The following RTEL1 variants were observed in gnomAD, a reference collection of about 807,000 sequenced individuals.
The protein encoded by RTEL1 is regulator of telomere length.
RTEL1 carries 86 observed loss-of-function variants against 162.2 expected under a neutral mutation model. The ratio of observed to expected loss-of-function variants is 0.53; its 90% CI spans 0.45 to 0.63. The LOEUF is 0.63. Ranked by LOEUF, RTEL1 falls within the 30% of genes least tolerant of loss-of-function variation. The pLI, the probability that RTEL1 is intolerant of heterozygous loss-of-function variation, is 0.00. For synonymous variants in RTEL1, 958 were observed against 717.9 expected, an observed-to-expected ratio of 1.33 and a Z score of -5.35; for missense variants, 1,941 against 1,750.2, an observed-to-expected ratio of 1.11 and a Z score of -1.95.
At chr20:63,695,710 G>A (rs918135042) in intron 34 of RTEL1, 60 bp downstream of exon 34, 4 of 1,605,560 alleles carry the variant, frequency 2.5e-6, no homozygotes, top group East Asian at 2.2e-5. Flanking sequence ...GGCTGAGGGG[G>A]AAAGGGCAGG....
At chr20:63,689,019 G>C (rs777426860) in intron 21 of RTEL1, 36 bp from the exon 22 acceptor site, 10 of 1,574,936 alleles carry the variant, frequency 6.3e-6, no homozygotes, top group East Asian at 4.5e-5. Context: ...GGCTGGGGGG[G>C]GGCTCCAGGC....
rs750353477 is a variant in RTEL1 at position 63,692,970 on chromosome 20, G to A, written c.2818G>A (p.Ala940Thr). The A allele has an allele frequency of 1.6e-5, 25 of 1,612,640 alleles. No individual in the cohort carries two copies. Among genetic ancestry groups the A allele is most frequent in the East Asian group, 2.2e-5 (1 of 44,890 alleles). ...ALAACLGPLF[A>T]EDPKKHNLLQ... Reference sequence around the variant, plus strand: ...GGCCGCCTGTCTCGGCCCCCTCTTTGCTGAGGACCCCAAGAAGCACAACCT... The same window carrying A: ...GGCCGCCTGTCTCGGCCCCCTCTTTACTGAGGACCCCAAGAAGCACAACCT... Residue 940 changes from alanine to threonine, a missense_variant, in exon 29 of 35, where the codon GCT (alanine) becomes ACT (threonine). By Grantham distance (58) the Ala-to-Thr change is moderately conservative. Coordinates refer to ENST00000360203, the MANE Select transcript of RTEL1 (RefSeq NM_001283009.2).
chr20:63,689,039 C>T lies in RTEL1; in HGVS notation c.1801-16C>T. 2 of 1,608,926 alleles carry T rather than the reference C, an allele frequency of 1.2e-6. No homozygotes were observed. The highest frequency in any genetic ancestry group is 1.7e-6 in the Non-Finnish European group (2 of 1,178,682). Reference sequence around the variant, plus strand: ...GGGGGGGGCTCCAGGCTCAGCCTCACCAACTTTCCTTCCAGACCATCAGTG... The same window carrying T: ...GGGGGGGGCTCCAGGCTCAGCCTCATCAACTTTCCTTCCAGACCATCAGTG... On this transcript the variant is annotated splice_polypyrimidine_tract_variant and intron_variant, in intron 21 of 34. Coordinates refer to ENST00000360203, the MANE Select transcript of RTEL1 (RefSeq NM_001283009.2).
Position 63,688,315 on chromosome 20 carries a change from G to A in RTEL1, c.1651G>A (p.Val551Met). Residue 551 changes from valine to methionine, a missense_variant, in exon 20 of 35, where the codon GTG becomes ATG. By Grantham distance (21) the Val-to-Met change is conservative (BLOSUM62 1). Transcript: ENST00000360203. ...TGCACTTCCAGGCAACATCGCCCGC[G>A]TGGTGCCCTATGGGCTCCTGATCTT... ...LGKALGNIAR[V>M]VPYGLLIFFP... The A allele has an allele frequency of 6.2e-7, 1 of 1,612,466 alleles. No individual in the cohort carries two copies. The highest frequency in any genetic ancestry group is 8.5e-7 in the Non-Finnish European group (1 of 1,179,952).
intron 4 of RTEL1, 95 bp downstream of exon 4, chr20:63,662,038 G>T (rs901153065): frequency 1.2e-5 from 12 of 1,006,044 alleles, no homozygotes; most frequent in Non-Finnish European, 1.9e-5. Flanking sequence ...CTGTGGTGGA[G>T]GGTGGTGGTC....
Position 63,687,674 on chromosome 20 carries a change from A to G in RTEL1, c.1385A>G (p.His462Arg), listed in dbSNP as rs1389243000. The G allele has an allele frequency of 6.2e-7, 1 of 1,609,570 alleles. No homozygotes were observed. The highest frequency in any genetic ancestry group is 1.1e-5 in the South Asian group (1 of 90,680). ...AGCTACTGGTGCTTCAGTCCCGGCC[A>G]CAGCATGCACGAGCTGGTCCGCCAG... ...VLSYWCFSPG[H>R]SMHELVRQGV... Residue 462 changes from histidine (H) to arginine (R), a missense_variant, in exon 17 of 35, where the codon CAC becomes CGC. Transcript: ENST00000360203.
At chr20:63,693,524 C>T in intron 30 of RTEL1, among the ~76,000 whole-genome samples, 1 of 132,504 alleles carries the variant, frequency 7.5e-6, no homozygotes, top group Non-Finnish European at 1.6e-5. Context: ...CCACCACCAC[C>T]ACCTCCACCA....
intron 30 of RTEL1, 34 bp downstream of exon 30, chr20:63,693,317 C>G (rs546262939): frequency 3.1e-6 from 5 of 1,609,338 alleles, no homozygotes; most frequent in Middle Eastern, 1.7e-4. Flanking sequence ...CCTCAGACTC[C>G]TGCGTGGAAG....
rs200858796 is a variant in RTEL1 at position 63,695,011 on chromosome 20, G to A, written c.3343+37G>A. The A allele has an allele frequency of 3.7e-6, 6 of 1,610,066 alleles. No homozygotes were observed. The East Asian group carries it at 6.7e-5, about 18-fold the overall frequency. On this transcript the variant is annotated intron_variant, in intron 32 of 34. Transcript: ENST00000360203. ...TGGCGTGGGGAACAGCCGGTGGGGT[G>A]GGGGGCAGGGGACAAAATGGGGGCT...
Position 63,688,343 on chromosome 20 carries a change from T to C in RTEL1, c.1679T>C (p.Phe560Ser). 6.2e-7 allele frequency: 1 copy of C among 1,612,570 alleles called. No individual in the cohort carries two copies. Among genetic ancestry groups the C allele is most frequent in the Non-Finnish European group, 8.5e-7 (1 of 1,179,950 alleles). Residue 560 changes from phenylalanine (F) to serine (S), a missense_variant, in exon 20 of 35, where the codon TTC becomes TCC. Phe to Ser is a radical substitution (Grantham distance 155, BLOSUM62 -2). Transcript: ENST00000360203. ...RVVPYGLLIF[F>S]PSYPVMEKSL... ...GTGCCCTATGGGCTCCTGATCTTCT[T>C]CCCTTCCTATCCTGTCATGGAGAAG... is the stretch of plus-strand genomic sequence containing the variant.
At chr20:63,680,507 C>A (rs897570894) in intron 13 of RTEL1, among the ~76,000 whole-genome samples, 157 bp from the exon 14 acceptor site, 1 of 152,242 alleles carries the variant, frequency 6.6e-6, no homozygotes, top group African/African-American at 2.4e-5. Flanking sequence ...GCGAACTGCC[C>A]GCCCTGAATG....
rs771296244 is a variant in RTEL1, at chr20:63,695,779, C to T, written c.3824C>T (p.Ala1275Val). 12 of 1,591,532 alleles carry T rather than the reference C, an allele frequency of 7.5e-6. No homozygotes were observed. Among genetic ancestry groups the T allele is most frequent in the Admixed American group, 5.3e-5 (3 of 56,192 alleles). Residue 1275 changes from alanine to valine, a missense_variant and splice_region_variant, in exon 35 of 35, where the codon GCC (alanine) becomes GTC (valine). By Grantham distance (64) the Ala-to-Val change is moderately conservative. Coordinates refer to ENST00000360203, the MANE Select transcript of RTEL1 (RefSeq NM_001283009.2). The stretch of plus-strand genomic sequence containing the variant: ...TGCAGTGGGCCGGTTGTCTCACAGG[C>T]CTCTAGGATGTGCCCAGCCTGCCAC... ...CQACWQRHLQ[A>V]SRMCPACHTA...
chr20:63,689,017 G>T (rs771523695), intron 21 of RTEL1, 38 bp from the exon 22 acceptor site: 160 of 1,569,572 alleles, frequency 1.0e-4, no homozygotes, highest in Non-Finnish European at 1.2e-4. Flanking sequence ...GGGGCTGGGG[G>T]GGGGCTCCAG....
rs528195171 is a variant in RTEL1, at chr20:63,688,879, C to G, written c.1801-176C>G. The G allele has an allele frequency of 3.9e-4, 278 of 705,592 alleles. 2 individuals carry two copies. The highest frequency in any genetic ancestry group is 2.3e-3 in the Middle Eastern group (6 of 2,600). The allele number at this position is 705,592 out of a possible 1,614,324, so 43.7% of individuals were successfully genotyped here. A position where few individuals can be genotyped will look rare whatever the true frequency, so the allele number is the denominator to read the frequency against. On this transcript the variant is annotated intron_variant, in intron 21 of 34. Coordinates refer to ENST00000360203, the MANE Select transcript of RTEL1 (RefSeq NM_001283009.2). ...GGTTCCCCGTGTTTTCTGGGAAGCA[C>G]TGAGCAGGCGTGGGGTCAGCCTGGG... is the stretch of plus-strand genomic sequence containing the variant.
chr20:63,679,427 C>T (rs1435528696), intron 12 of RTEL1, among the ~76,000 whole-genome samples: 4 of 152,044 alleles, frequency 2.6e-5, no homozygotes, highest in Admixed American at 6.5e-5. Context: ...TGCCCAGAGC[C>T]ACCGCCTCCC....
At chr20:63,680,402 C>T (rs535551337) in intron 13 of RTEL1, among the ~76,000 whole-genome samples, 3 of 152,314 alleles carry the variant, frequency 2.0e-5, no homozygotes, top group South Asian at 2.1e-4. Context: ...CTGCTTCAAC[C>T]CTTAGGCGAC....
At position 63,696,145 on chromosome 20, in the gene RTEL1, C is replaced by T. The variant is rs1421276876; in HGVS notation, c.*287C>T. ...CCTGTGAGTGGTGCCACAGGGGCAC[C>T]CCAGCTGAGCCCCTCACCGGGAAGG... On this transcript the variant is annotated 3_prime_UTR_variant, in exon 35 of 35. Transcript: ENST00000360203. The T allele has an allele frequency of 6.0e-6, 3 of 499,632 alleles. No individual in the cohort carries two copies. Among genetic ancestry groups the T allele is most frequent in the Non-Finnish European group, 7.1e-6 (2 of 280,686 alleles). The allele number at this position is 499,632 out of a possible 1,614,324, so 30.9% of individuals were successfully genotyped here.
chr20:63,680,637 G>T, intron 13 of RTEL1, 27 bp from the exon 14 acceptor site: 1 of 1,612,170 alleles, frequency 6.2e-7, no homozygotes, highest in Non-Finnish European at 8.5e-7. Context: ...CCTGCAGTGT[G>T]GGTGTCAGCG....
chr20:63,674,536 C>T (rs1383830793), intron 10 of RTEL1, among the ~76,000 whole-genome samples: 1 of 152,020 alleles, frequency 6.6e-6, no homozygotes, highest in Admixed American at 6.6e-5. Context: ...GGCGGAACCT[C>T]GCCCCTGCCA....
Sources: allele counts gnomAD v4.1 joint callset (sites outside exome capture counted in the v4.1 genomes callset), GRCh38; gene constraint gnomAD v4.1.1; transcripts MANE v1.5; gene names NCBI Gene and HGNC (gene_info 2026-07-23, HGNC 2026-07-21).